The following UCHL5 variants were observed in gnomAD, a reference collection of about 807,000 sequenced individuals.
The protein encoded by UCHL5 is ubiquitin carboxyl-terminal hydrolase isozyme L5.
Under a neutral mutation model 53.8 loss-of-function variants are expected in UCHL5, and 34 were observed. That is an observed-to-expected ratio of 0.63 (90% CI 0.48 to 0.84). The LOEUF is 0.84. Among genes scored for constraint, UCHL5 ranks in the 40% least tolerant of loss-of-function variants. UCHL5 has a pLI of 0.00. For synonymous variants in UCHL5, 111 were observed against 126.3 expected, an observed-to-expected ratio of 0.88 and a Z score of 0.81; for missense variants, 290 against 385.6, an observed-to-expected ratio of 0.75 and a Z score of 2.08.
intron 1 of UCHL5, among the ~76,000 whole-genome samples, chr1:193,057,003 T>A (rs1194549727): frequency 2.0e-5 from 3 of 152,254 alleles, no homozygotes; most frequent in African/African-American, 4.8e-5. Context: ...TTTCTGCACA[T>A]ATGAAATTGA....
At chr1:193,049,879 A>T in intron 2 of UCHL5, 28 bp from the exon 3 acceptor site, 1 of 1,554,298 alleles carries the variant, frequency 6.4e-7, no homozygotes. Flanking sequence ...AATTAATGAC[A>T]TCAAACCCTG....
chr1:193,023,298 T>C (rs1329732663), intron 8 of UCHL5, among the ~76,000 whole-genome samples: 2 of 152,178 alleles, frequency 1.3e-5, no homozygotes, highest in African/African-American at 4.8e-5. Flanking sequence ...CCTAATACAC[T>C]ATAAAATAAA....
intron 3 of UCHL5, among the ~76,000 whole-genome samples, chr1:193,033,135 C>T (rs1358944128): frequency 6.6e-6 from 1 of 152,118 alleles, no homozygotes; most frequent in East Asian, 1.9e-4. Context: ...CCCAAATGCT[C>T]GTCAATGATA....
At chr1:193,036,721 C>T (rs1294108222) in intron 3 of UCHL5, among the ~76,000 whole-genome samples, 1 of 151,872 alleles carries the variant, frequency 6.6e-6, no homozygotes, top group African/African-American at 2.4e-5. Flanking sequence ...CAGCATACAC[C>T]GAGGATAGAC....
chr1:193,027,135 T>G (rs986384402), intron 7 of UCHL5, among the ~76,000 whole-genome samples: 1 of 152,168 alleles, frequency 6.6e-6, no homozygotes, highest in African/African-American at 2.4e-5. Context: ...AAGGGATCTT[T>G]GTGGAGAGCA....
At position 193,036,339 on chromosome 1, in the gene UCHL5, AAAAG is replaced by A. The variant is rs1414436962; in HGVS notation, c.247-6686_247-6683del. Reference sequence around the variant, plus strand: ...AACCAAAAAAAAAAAAAAAAAAAAAAAAAGAACAGGAGTACTATCCTTATATCAG... The same window carrying A: ...AACCAAAAAAAAAAAAAAAAAAAAAAAACAGGAGTACTATCCTTATATCAG... On this transcript the variant is annotated intron_variant, in intron 3 of 10. Coordinates refer to ENST00000367454, the MANE Select transcript of UCHL5 (RefSeq NM_001199261.3). 2.4e-3 allele frequency among the ~76,000 whole-genome samples: 363 copies of A among 148,830 alleles called. 3 individuals are homozygous for A. The highest frequency in any genetic ancestry group is 8.4e-3 in the African/African-American group (340 of 40,702).
At position 193,033,386 on chromosome 1, in the gene UCHL5, G is replaced by A. The variant is rs575529937; in HGVS notation, c.247-3729C>T. Among the ~76,000 whole-genome samples the A allele has an allele frequency of 9.9e-5, 15 of 152,120 alleles. 1 individual carries two copies. The South Asian group carries it at 2.5e-3, about 25-fold the overall frequency. On this transcript the variant is annotated intron_variant, in intron 3 of 10. Coordinates refer to ENST00000367454, the MANE Select transcript of UCHL5 (RefSeq NM_001199261.3). ...ACACCGGGGCTTGTCGGGGGGTTGC[G>A]GGCAAGGGGAGGGATAGCATTAGGA...
chr1:193,051,725 C>A (rs562100458), intron 2 of UCHL5, 29 bp downstream of exon 2: 1 of 1,316,270 alleles, frequency 7.6e-7, no homozygotes, highest in South Asian at 1.3e-5. Flanking sequence ...TATATATATA[C>A]ATATTAACAC....
At chr1:193,033,778 A>G (rs1216123694) in intron 3 of UCHL5, among the ~76,000 whole-genome samples, 1 of 152,208 alleles carries the variant, frequency 6.6e-6, no homozygotes, top group African/African-American at 2.4e-5. Flanking sequence ...ATCATTTTAT[A>G]CTGGAGTATC....
At chr1:193,059,395 G>A (rs567314976), upstream of UCHL5, 5 of 1,609,162 alleles carry the variant, frequency 3.1e-6, no homozygotes, top group African/African-American at 5.3e-5. This position sits in a 1 kb window ranked among gnomAD's most constrained non-coding sequence, Gnocchi z 4.9. Context: ...CTTCCCGACA[G>A]CCTCCGGGCG....
chr1:193,056,972 T>C (rs1049063961), intron 1 of UCHL5, among the ~76,000 whole-genome samples: 1 of 152,248 alleles, frequency 6.6e-6, no homozygotes, highest in Admixed American at 6.5e-5. Context: ...TATATCATTC[T>C]TTCATGCATG....
chr1:193,018,232 AT>A (rs1655546217), intron 10 of UCHL5, among the ~76,000 whole-genome samples: 1 of 151,580 alleles, frequency 6.6e-6, no homozygotes, highest in Non-Finnish European at 1.5e-5. Context: ...AAAATTCAAT[AT>A]TGTGAAGTTG....
intron 1 of UCHL5, among the ~76,000 whole-genome samples, chr1:193,053,523 A>G (rs1669719476): frequency 6.6e-6 from 1 of 152,218 alleles, no homozygotes; most frequent in South Asian, 2.1e-4. Flanking sequence ...GCATGGTATA[A>G]TGGAAAGAGA....
At chr1:193,037,432 C>A (rs1663939719) in intron 3 of UCHL5, among the ~76,000 whole-genome samples, 2 of 151,508 alleles carry the variant, frequency 1.3e-5, no homozygotes, top group East Asian at 1.9e-4. Flanking sequence ...AAGACTGAAC[C>A]AGGAAGGAAT....
At chr1:193,018,605 C>T (rs985131488) in intron 10 of UCHL5, 38 of 1,242,360 alleles carry the variant, frequency 3.1e-5, no homozygotes, top group East Asian at 9.5e-5. Flanking sequence ...ATAGCCATGC[C>T]GAGGGAGAAT....
Position 193,023,110 on chromosome 1 carries a change from A to AAATG in UCHL5, c.733-75_733-74insCATT. 2.6e-6 allele frequency: 3 copies of AAATG among 1,138,526 alleles called. No individual in the cohort carries two copies. The South Asian group carries it at 4.1e-5, about 16-fold the overall frequency. The allele number at this position is 1,138,526 out of a possible 1,614,324, so 70.5% of individuals were successfully genotyped here. A position where few individuals can be genotyped will look rare whatever the true frequency, so the allele number is the denominator to read the frequency against. On this transcript the variant is annotated intron_variant, in intron 8 of 10. Coordinates refer to ENST00000367454, the MANE Select transcript of UCHL5 (RefSeq NM_001199261.3). ...ACATTCAGAATATTTTAAAATGATA[A>AAATG]ACACAGTATGATTATTTTCAAATTT...
At chr1:193,048,992 AG>A in intron 3 of UCHL5, among the ~76,000 whole-genome samples, 1 of 152,012 alleles carries the variant, frequency 6.6e-6, no homozygotes. Context: ...GGGCTCATGC[AG>A]TGTTCCCACC....
At chr1:193,052,997 T>A (rs116050856) in intron 1 of UCHL5, among the ~76,000 whole-genome samples, 1,923 of 152,292 alleles carry the variant, frequency 0.013, 40 homozygotes, top group African/African-American at 0.043. Context: ...ACTAACAATG[T>A]GACTGGGCAT....
intron 3 of UCHL5, among the ~76,000 whole-genome samples, chr1:193,039,802 T>C (rs1476292593): frequency 1.3e-5 from 2 of 152,098 alleles, no homozygotes; most frequent in African/African-American, 4.8e-5. Context: ...TACAGACACA[T>C]AGACCAATGG....
Sources: gnomAD v4.1 joint callset for allele counts (sites outside exome capture counted in the v4.1 genomes callset) on GRCh38, gnomAD v4.1.1 for gene constraint, Gnocchi (gnomAD v3.1) non-coding constraint, MANE v1.5 for transcripts, NCBI Gene and HGNC (gene_info 2026-07-23, HGNC 2026-07-21) for gene names.